The following RBFOX1 variants were observed in gnomAD, a reference collection of about 807,000 sequenced individuals.
RBFOX1 encodes RNA binding protein fox-1 homolog 1.
A neutral mutation model predicts 57.7 loss-of-function variants in RBFOX1; 8 were observed. That is an observed-to-expected ratio of 0.14 (90% CI 0.08 to 0.25). RBFOX1 has a LOEUF of 0.25. Ranked by LOEUF, RBFOX1 falls within the 10% of genes least tolerant of loss-of-function variation. The pLI is 1.00. For missense variants in RBFOX1, 611 were observed against 548.5 expected, an observed-to-expected ratio of 1.11 and a Z score of -1.14; for synonymous variants, 326 against 222.4, an observed-to-expected ratio of 1.47 and a Z score of -4.15.
At chr16:6,972,320 A>G (rs1295358193) in intron 3 of RBFOX1, among the ~76,000 whole-genome samples, 2 of 150,836 alleles carry the variant, frequency 1.3e-5, no homozygotes, top group Non-Finnish European at 3.0e-5. Flanking sequence ...TACGTTTGCT[A>G]CCTTGTATCG....
Position 6,714,370 on chromosome 16 carries a change from A to G in RBFOX1, c.-16+59720A>G, listed in dbSNP as rs909567077. Among the ~76,000 whole-genome samples the G allele has an allele frequency of 2.6e-5, 4 of 152,168 alleles. No individual in the cohort carries two copies. In the East Asian group the frequency reaches 7.7e-4, roughly 29 times the overall value. On this transcript the variant is annotated intron_variant, in intron 3 of 15. Coordinates refer to ENST00000550418, the MANE Select transcript of RBFOX1 (RefSeq NM_018723.4). ...CTAGTGTTCATGGTGGTGGTGGTAG[A>G]AAATGGTGCAGGGGAGAAAAGGCCA...
intron 2 of RBFOX1, among the ~76,000 whole-genome samples, chr16:5,532,766 C>T: frequency 6.6e-6 from 1 of 152,154 alleles, no homozygotes; most frequent in Non-Finnish European, 1.5e-5. Context: ...TCATCCAGGT[C>T]CTCCTGGATT....
At chr16:6,980,836 A>G (rs558062643) in intron 3 of RBFOX1, among the ~76,000 whole-genome samples, 2 of 152,100 alleles carry the variant, frequency 1.3e-5, no homozygotes, top group South Asian at 2.1e-4. Context: ...TCAGGTCAGG[A>G]GTTCAAAACC....
intron 3 of RBFOX1, among the ~76,000 whole-genome samples, chr16:6,852,261 G>C (rs542148576): frequency 6.6e-6 from 1 of 152,074 alleles, no homozygotes. Flanking sequence ...CTCTGCCTCT[G>C]TGTTCTTGCT....
At chr16:7,003,264 T>C (rs186684481) in intron 3 of RBFOX1, among the ~76,000 whole-genome samples, 2 of 151,758 alleles carry the variant, frequency 1.3e-5, no homozygotes, top group African/African-American at 4.8e-5. Flanking sequence ...ATCAAGACCA[T>C]CCTGGCCAAC....
chr16:5,994,016 C>G (rs922794947), intron 4 of RBFOX1, among the ~76,000 whole-genome samples: 12 of 152,124 alleles, frequency 7.9e-5, no homozygotes, highest in African/African-American at 2.4e-4. Context: ...CTTGAGGAGT[C>G]CTTTCCTAAC....
intron 3 of RBFOX1, among the ~76,000 whole-genome samples, chr16:5,725,375 C>T (rs1843417809): frequency 6.6e-6 from 1 of 152,106 alleles, no homozygotes; most frequent in Non-Finnish European, 1.5e-5. Context: ...TCCTGAGTAA[C>T]TGGAACTACA....
intron 3 of RBFOX1, among the ~76,000 whole-genome samples, chr16:6,665,837 C>T (rs966627796): frequency 2.5e-4 from 38 of 152,140 alleles, no homozygotes; most frequent in Non-Finnish European, 4.3e-4. Context: ...TATTTATCCC[C>T]ATGTTACAGA....
intron 1 of RBFOX1, among the ~76,000 whole-genome samples, chr16:6,035,714 C>T (rs1359498805): frequency 6.6e-6 from 1 of 152,144 alleles, no homozygotes; most frequent in Non-Finnish European, 1.5e-5. Flanking sequence ...TCTTAGAATC[C>T]TCAGTGCATC....
At chr16:7,313,119 C>G (rs1375971915) in intron 4 of RBFOX1, among the ~76,000 whole-genome samples, 1 of 152,132 alleles carries the variant, frequency 6.6e-6, no homozygotes, top group Non-Finnish European at 1.5e-5. Context: ...TTCATCCGGG[C>G]CACTCCTGGA....
At chr16:5,436,798 A>G (rs555064635) in intron 1 of RBFOX1, among the ~76,000 whole-genome samples, 7 of 152,164 alleles carry the variant, frequency 4.6e-5, no homozygotes, top group African/African-American at 9.6e-5. Context: ...AGATTGTGCC[A>G]TTGCACTCCA....
intron 4 of RBFOX1, among the ~76,000 whole-genome samples, chr16:7,070,768 T>A (rs908264816): frequency 1.3e-5 from 2 of 152,154 alleles, no homozygotes; most frequent in Non-Finnish European, 2.9e-5. Flanking sequence ...AACTGAAGAA[T>A]TGAGGTTTAG....
At chr16:7,323,064 G>A (rs893328493) in intron 4 of RBFOX1, among the ~76,000 whole-genome samples, 1 of 152,166 alleles carries the variant, frequency 6.6e-6, no homozygotes, top group African/African-American at 2.4e-5. Flanking sequence ...GGACTGTTGG[G>A]ATGGTTGAGA....
chr16:6,958,330 C>G (rs528939035), intron 3 of RBFOX1, among the ~76,000 whole-genome samples: 16 of 152,160 alleles, frequency 1.1e-4, no homozygotes, highest in East Asian at 5.8e-4. Context: ...TAGAACTTAA[C>G]CTTCTGAATC....
chr16:6,865,779 A>G (rs184630078), intron 3 of RBFOX1, among the ~76,000 whole-genome samples: 4 of 152,104 alleles, frequency 2.6e-5, no homozygotes, highest in African/African-American at 9.6e-5. Flanking sequence ...TTCCTGCTTT[A>G]TTTGTAAGCA....
rs138782802 is a variant in RBFOX1 at position 5,805,877 on chromosome 16, A to T, written c.319-61426A>T. Among the ~76,000 whole-genome samples, 79 of 152,288 alleles carry T rather than the reference A, an allele frequency of 5.2e-4. 1 individual carries two copies. Among genetic ancestry groups the T allele is most frequent in the African/African-American group, 1.8e-3 (75 of 41,556 alleles). On this transcript the variant is annotated intron_variant, in intron 3 of 19. Transcript: ENST00000641259. ...TCAGTAGGGAAGGGGATCCATCAAT[A>T]TGGTTTCAGGGCACAGAATAGAGTG...
intron 4 of RBFOX1, among the ~76,000 whole-genome samples, chr16:5,932,695 A>G (rs938456107): frequency 6.6e-6 from 1 of 152,200 alleles, no homozygotes; most frequent in African/African-American, 2.4e-5. Flanking sequence ...AAAATCCACC[A>G]CTGGGGTCAG....
intron 3 of RBFOX1, among the ~76,000 whole-genome samples, chr16:6,932,937 T>C (rs769275044): frequency 3.9e-5 from 6 of 152,196 alleles, no homozygotes; most frequent in Non-Finnish European, 8.8e-5. Context: ...ACTATTCTCC[T>C]TTCTGTCTTT....
chr16:6,175,950 C>T (rs1347880436), intron 1 of RBFOX1, among the ~76,000 whole-genome samples: 2 of 152,052 alleles, frequency 1.3e-5, no homozygotes, highest in East Asian at 3.9e-4. Flanking sequence ...TTGGACTCCA[C>T]CCCCAGATAT....
Sources: gnomAD v4.1 joint callset for allele counts (sites outside exome capture counted in the v4.1 genomes callset) on GRCh38, gnomAD v4.1.1 for gene constraint, MANE v1.5 for transcripts, NCBI Gene and HGNC (gene_info 2026-07-23, HGNC 2026-07-21) for gene names.